Variants in EYS observed in about 807,000 individuals in gnomAD.
EYS encodes the protein EGF-like photoreceptor maintenance factor, also known as protein eyes shut homolog.
Under a neutral mutation model 282.1 loss-of-function variants are expected in EYS, and 250 were observed. The observed-to-expected ratio is 0.89, with a 90% CI of 0.80 to 0.98. EYS has a LOEUF of 0.98. Ranked by LOEUF, EYS falls within the 50% of genes least tolerant of loss-of-function variation. The pLI is 0.00. For synonymous variants in EYS, 1,355 were observed against 1,282.9 expected (o/e 1.06, Z -1.20); for missense variants, 4,016 against 3,709.0 (o/e 1.08, Z -2.15).
At chr6:64,367,674 T>C (rs372862481) in intron 29 of EYS, among the ~76,000 whole-genome samples, 1 of 151,956 alleles carries the variant, frequency 6.6e-6, no homozygotes, top group South Asian at 2.1e-4. Flanking sequence ...TCTACGGGGA[T>C]GAGATAATGT....
chr6:65,465,742 G>A (rs1469001343), intron 5 of EYS, among the ~76,000 whole-genome samples: 1 of 152,042 alleles, frequency 6.6e-6, no homozygotes, highest in Non-Finnish European at 1.5e-5. Context: ...AGCACTTTAG[G>A]TGGCCAAGGC....
intron 2 of EYS, among the ~76,000 whole-genome samples, chr6:65,595,111 A>G (rs1765361882): frequency 6.6e-6 from 1 of 152,100 alleles, no homozygotes; most frequent in South Asian, 2.1e-4. Context: ...AATGTGGCAC[A>G]TATACACCAT....
chr6:64,410,153 G>A (rs1388312364), intron 28 of EYS, among the ~76,000 whole-genome samples: 1 of 152,120 alleles, frequency 6.6e-6, no homozygotes, highest in East Asian at 1.9e-4. Flanking sequence ...CAGGACCCAT[G>A]AGTCTGTGAA....
intron 5 of EYS, among the ~76,000 whole-genome samples, chr6:65,413,635 C>G (rs1245872885): frequency 6.6e-6 from 1 of 151,712 alleles, no homozygotes; most frequent in Non-Finnish European, 1.5e-5. Context: ...TGAGGCGCAC[C>G]GATCATGAGG....
intron 8 of EYS, among the ~76,000 whole-genome samples, chr6:65,378,792 C>T (rs1328582677): frequency 6.6e-6 from 1 of 152,002 alleles, no homozygotes; most frequent in Non-Finnish European, 1.5e-5. Flanking sequence ...GAACATAATA[C>T]CGAACACCAC....
intron 36 of EYS, among the ~76,000 whole-genome samples, chr6:63,818,459 G>A (rs985268367): frequency 2.6e-5 from 4 of 152,102 alleles, no homozygotes; most frequent in Admixed American, 6.5e-5. Flanking sequence ...GGTTTTACCA[G>A]AACACTTTTT....
intron 5 of EYS, among the ~76,000 whole-genome samples, chr6:65,453,396 T>C (rs918312831): frequency 1.3e-5 from 2 of 152,022 alleles, no homozygotes; most frequent in East Asian, 1.9e-4. Context: ...GTTTTCTTAA[T>C]TGACACATTG....
In EYS at chr6:65,466,312, T is replaced by G. The variant is rs562732023; in HGVS notation, c.862+24282A>C. 6.6e-5 allele frequency among the ~76,000 whole-genome samples: 10 copies of G among 151,586 alleles called. No homozygotes were observed. The South Asian group carries it at 2.1e-3, about 32-fold the overall frequency. On this transcript the variant is annotated intron_variant, in intron 5 of 42. Transcript: ENST00000503581. ...TAAGGGATTCAGTTAAAGAGATATTTCATTGTTGACACTTAGACCTAGAAT... is the reference window on the plus strand; with the variant it reads ...TAAGGGATTCAGTTAAAGAGATATTGCATTGTTGACACTTAGACCTAGAAT...
intron 32 of EYS, among the ~76,000 whole-genome samples, chr6:64,071,262 G>C (rs899220750): frequency 6.6e-6 from 1 of 151,952 alleles, no homozygotes. Context: ...TACTCATCCA[G>C]GTTCTCTGAA....
At chr6:64,707,094 G>T (rs1317316380) in intron 22 of EYS, among the ~76,000 whole-genome samples, 1 of 137,640 alleles carries the variant, frequency 7.3e-6, no homozygotes, top group Non-Finnish European at 1.6e-5. Context: ...GAAATTGTGA[G>T]ATATATATGC....
At chr6:64,407,737 A>G (rs996879001) in intron 28 of EYS, among the ~76,000 whole-genome samples, 1 of 152,028 alleles carries the variant, frequency 6.6e-6, no homozygotes, top group African/African-American at 2.4e-5. Context: ...CATTATTATC[A>G]TTATTATTTT....
chr6:64,847,755 CCA>C (rs962578084), intron 19 of EYS, among the ~76,000 whole-genome samples: 13 of 152,046 alleles, frequency 8.6e-5, no homozygotes, highest in African/African-American at 2.9e-4. Context: ...CAAAGAAATT[CCA>C]GTTATTTTCC....
chr6:65,007,745 C>T (rs1021891024), intron 13 of EYS, among the ~76,000 whole-genome samples: 15 of 152,078 alleles, frequency 9.9e-5, no homozygotes, highest in African/African-American at 2.7e-4. Flanking sequence ...CCCCTCCAAG[C>T]GGTGGGAGGA....
intron 40 of EYS, 54 bp from the exon 41 acceptor site, chr6:63,762,687 A>G (rs1769676717): frequency 2.0e-6 from 3 of 1,477,382 alleles, no homozygotes; most frequent in Non-Finnish European, 2.7e-6. Context: ...AGATGGATAC[A>G]TACTATGTAT....
intron 12 of EYS, among the ~76,000 whole-genome samples, chr6:65,171,041 C>T (rs1765092785): frequency 6.6e-6 from 1 of 151,454 alleles, no homozygotes; most frequent in African/African-American, 2.4e-5. Context: ...GAATAATTTA[C>T]TCATAATTCT....
intron 30 of EYS, among the ~76,000 whole-genome samples, chr6:64,250,611 A>G (rs1399155500): frequency 6.6e-6 from 1 of 152,278 alleles, no homozygotes; most frequent in African/African-American, 2.4e-5. Flanking sequence ...AAAATCCAAT[A>G]GCTTACATTG....
chr6:64,751,168 AG>A lies in EYS; in HGVS notation c.3443+62209del, dbSNP rs1301606275. On this transcript the variant is annotated intron_variant, in intron 22 of 42. Transcript: ENST00000503581. ...CATGCAAAGACCTTGTTGCAGCAGT[AG>A]TTTCTCCACTCCTTGCCTGGGCAGA... 1.1e-4 allele frequency among the ~76,000 whole-genome samples: 17 copies of A among 152,230 alleles called. 1 individual carries two copies. The highest frequency in any genetic ancestry group is 4.1e-4 in the African/African-American group (17 of 41,572).
chr6:64,562,602 A>T (rs1765431365), intron 26 of EYS, among the ~76,000 whole-genome samples: 1 of 151,752 alleles, frequency 6.6e-6, no homozygotes, highest in Non-Finnish European at 1.5e-5. Flanking sequence ...TTTTACTGTA[A>T]TTTTTCCTCT....
chr6:63,720,768 C>T lies in EYS; in HGVS notation c.9263G>A (p.Gly3088Glu), dbSNP rs913465684. 8 of 1,550,518 alleles carry T rather than the reference C, an allele frequency of 5.2e-6. No homozygotes were observed. The Admixed American group carries it at 9.8e-5, about 19-fold the overall frequency. The change falls in exon 43 of 43, where the codon GGG becomes GAG. Residue 3088 changes from glycine to glutamate, a missense_variant. Coordinates refer to ENST00000503581, the MANE Select transcript of EYS (RefSeq NM_001142800.2). ...ALNYDGICYL[G>E]GFEYGRKVNI... ...TACCTTTCTACCATATTCAAAGCCC[C>T]CTAGATAACAAATGCCATCATAGTT...
Sources: gnomAD v4.1 joint callset for allele counts (sites outside exome capture counted in the v4.1 genomes callset) on GRCh38, gnomAD v4.1.1 for gene constraint, MANE v1.5 for transcripts, NCBI Gene and HGNC (gene_info 2026-07-23, HGNC 2026-07-21) for gene names.